The following MRPL48 variants were observed in gnomAD, a reference collection of about 807,000 sequenced individuals.
MRPL48 encodes mitochondrial ribosomal protein L48.
Under a neutral mutation model 32.9 loss-of-function variants are expected in MRPL48, and 16 were observed. The observed-to-expected ratio is 0.49, with a 90% CI of 0.33 to 0.74. The LOEUF (loss-of-function observed/expected upper bound fraction) is 0.74. Among genes scored for constraint, MRPL48 ranks in the 30% least tolerant of loss-of-function variants. The probability of loss-of-function intolerance (pLI) is 0.02; values close to 1 mark genes in which losing one functional copy is unlikely to be tolerated. For synonymous variants in MRPL48, 94 were observed against 89.2 expected (o/e 1.05, Z -0.31); for missense variants, 206 against 245.3 (o/e 0.84, Z 1.07).
chr11:73,864,338 G>A lies in MRPL48; in HGVS notation c.607G>A (p.Glu203Lys). 6.2e-7 allele frequency: 1 copy of A among 1,613,924 alleles called. No individual in the cohort carries two copies. The highest frequency in any genetic ancestry group is 1.6e-4 in the Middle Eastern group (1 of 6,062). The change falls in exon 8 of 8, where the codon GAA becomes AAA. Residue 203 changes from glutamate to lysine, a missense_variant. Coordinates refer to ENST00000310614, the MANE Select transcript of MRPL48 (RefSeq NM_016055.6). ...CAAGGGACGATTCAAAGCTCGACCA[G>A]AACTGGAAGAACTGTTGGCCAAGTT... ...DFKGRFKARP[E>K]LEELLAKLK
chr11:73,857,811 T>G (rs1948512559), intron 5 of MRPL48, among the ~76,000 whole-genome samples: 1 of 151,960 alleles, frequency 6.6e-6, no homozygotes, highest in Non-Finnish European at 1.5e-5. Context: ...CAGGCTGGTC[T>G]TGAACTCCTG....
chr11:73,854,594 A>G (rs942272743), intron 5 of MRPL48, among the ~76,000 whole-genome samples: 7 of 152,092 alleles, frequency 4.6e-5, no homozygotes, highest in Admixed American at 3.9e-4. Context: ...GCCTAGTTGC[A>G]ATGTTTATAG....
intron 5 of MRPL48, among the ~76,000 whole-genome samples, chr11:73,854,352 C>T (rs1488226603): frequency 2.6e-5 from 4 of 152,172 alleles, no homozygotes; most frequent in African/African-American, 7.2e-5. Flanking sequence ...GGCACGATCT[C>T]GGCTCACTGC....
intron 5 of MRPL48, among the ~76,000 whole-genome samples, chr11:73,856,473 G>A (rs2135081378): frequency 6.6e-6 from 1 of 152,244 alleles, no homozygotes. Flanking sequence ...GCAAAGAAGA[G>A]GCCTCTCATG....
At chr11:73,855,923 C>A (rs969556060) in intron 5 of MRPL48, among the ~76,000 whole-genome samples, 1 of 152,218 alleles carries the variant, frequency 6.6e-6, no homozygotes, top group Non-Finnish European at 1.5e-5. Flanking sequence ...TCATAACATG[C>A]ACTTCTTGCT....
At chr11:73,805,293 CTT>C (rs11335180) in intron 2 of MRPL48, among the ~76,000 whole-genome samples, 133 of 136,904 alleles carry the variant, frequency 9.7e-4, no homozygotes, top group African/African-American at 2.9e-3. Flanking sequence ...TGATGCTGTT[CTT>C]TTTTTTTTTT....
At chr11:73,828,861 A>G (rs555590699) in intron 4 of MRPL48, among the ~76,000 whole-genome samples, 1 of 152,196 alleles carries the variant, frequency 6.6e-6, no homozygotes, top group South Asian at 2.1e-4. Flanking sequence ...AGTCAGAGGC[A>G]GTTACTTCCC....
intron 5 of MRPL48, chr11:73,845,260 A>G: frequency 3.9e-6 from 1 of 257,152 alleles, no homozygotes; most frequent in Non-Finnish European, 7.3e-6. Flanking sequence ...ATATAAATGA[A>G]ATCACACAGT....
intron 5 of MRPL48, chr11:73,850,956 G>A (rs565574745): frequency 1.6e-5 from 5 of 309,786 alleles, no homozygotes; most frequent in South Asian, 3.0e-5. Flanking sequence ...GATTACAGGC[G>A]TGAGCCACCG....
chr11:73,854,295 T>G (rs1401063680), intron 5 of MRPL48, among the ~76,000 whole-genome samples: 4 of 152,166 alleles, frequency 2.6e-5, no homozygotes, highest in Non-Finnish European at 5.9e-5. Context: ...ATGTTTTGTT[T>G]GTTTGTTTGA....
chr11:73,810,414 G>A (rs887574842), intron 3 of MRPL48, among the ~76,000 whole-genome samples: 3 of 152,204 alleles, frequency 2.0e-5, no homozygotes, highest in African/African-American at 4.8e-5. Flanking sequence ...CCAGCTACTC[G>A]GGAGGCTGAG....
intron 5 of MRPL48, among the ~76,000 whole-genome samples, chr11:73,846,961 CTTTCTTTT>C (rs554051553): frequency 1.9e-3 from 287 of 151,012 alleles, no homozygotes; most frequent in Non-Finnish European, 3.2e-3. Context: ...CCCAGGCTTC[CTTTCTTTT>C]TTTCTTTTTT....
intron 4 of MRPL48, among the ~76,000 whole-genome samples, chr11:73,844,312 T>G (rs1202597333): frequency 6.6e-6 from 1 of 151,920 alleles, no homozygotes; most frequent in Non-Finnish European, 1.5e-5. Context: ...GCGCCTGTCG[T>G]CCCAGCTACT....
At chr11:73,811,981 G>T (rs921207931) in intron 3 of MRPL48, among the ~76,000 whole-genome samples, 1 of 152,032 alleles carries the variant, frequency 6.6e-6, no homozygotes, top group Admixed American at 6.6e-5. Flanking sequence ...CACCACCCGG[G>T]TTCACACCAT....
At chr11:73,805,152 T>C (rs969634752) in intron 2 of MRPL48, 73 bp downstream of exon 2, 6 of 1,278,154 alleles carry the variant, frequency 4.7e-6, no homozygotes, top group African/African-American at 4.5e-5. Context: ...ACAGCATTTT[T>C]TCATCATATT....
intron 1 of MRPL48, among the ~76,000 whole-genome samples, chr11:73,798,574 A>G (rs932358881): frequency 6.6e-6 from 1 of 152,144 alleles, no homozygotes; most frequent in Non-Finnish European, 1.5e-5. Flanking sequence ...TGGGCTTTCT[A>G]TGTGGGAGAA....
At chr11:73,835,321 T>C (rs894350739) in intron 4 of MRPL48, among the ~76,000 whole-genome samples, 1 of 151,732 alleles carries the variant, frequency 6.6e-6, no homozygotes, top group Non-Finnish European at 1.5e-5. Context: ...TTTGTATTTT[T>C]AGTAGAGATG....
chr11:73,817,229 A>G (rs1947694335), intron 3 of MRPL48, among the ~76,000 whole-genome samples: 1 of 152,200 alleles, frequency 6.6e-6, no homozygotes, highest in South Asian at 2.1e-4. Flanking sequence ...ATGTGGGGAT[A>G]GTGCATAATT....
At chr11:73,824,454 G>A (rs1469384729) in intron 3 of MRPL48, among the ~76,000 whole-genome samples, 3 of 151,862 alleles carry the variant, frequency 2.0e-5, no homozygotes, top group Non-Finnish European at 4.4e-5. Flanking sequence ...GTGTGGTGGC[G>A]CGTGCCTGTA....
Sources: gnomAD v4.1 joint callset for allele counts (sites outside exome capture counted in the v4.1 genomes callset) on GRCh38, gnomAD v4.1.1 for gene constraint, MANE v1.5 for transcripts, NCBI Gene and HGNC (gene_info 2026-07-23, HGNC 2026-07-21) for gene names.